The following TTLL5 variants were observed in gnomAD, a reference collection of about 807,000 sequenced individuals.
The protein encoded by TTLL5 is tubulin tyrosine ligase like 5, also known as tubulin polyglutamylase TTLL5.
A neutral mutation model predicts 168.4 loss-of-function variants in TTLL5; 132 were observed. The ratio of observed to expected loss-of-function variants is 0.78; its 90% confidence interval spans 0.68 to 0.91. The LOEUF (loss-of-function observed/expected upper bound fraction) is 0.91, where lower values mean the gene tolerates loss of function less well. Among genes scored for constraint, TTLL5 ranks in the 40% least tolerant of loss-of-function variants. The pLI is 0.00. For missense variants in TTLL5, 1,545 were observed against 1,581.5 expected (o/e 0.98, Z 0.39); for synonymous variants, 546 against 558.6 (o/e 0.98, Z 0.32).
chr14:75,754,966 T>TA (rs1002109038), intron 18 of TTLL5, among the ~76,000 whole-genome samples: 75 of 151,836 alleles, frequency 4.9e-4, no homozygotes, highest in Admixed American at 4.1e-3. Flanking sequence ...AAACTTTGAT[T>TA]AAAAAAAACA....
In TTLL5 at chr14:75,791,105, C is replaced by CAAAAAAAAAAAAAAAAA. The variant is rs372035829; in HGVS notation, c.2987-1808_2987-1792dup. Among the ~76,000 whole-genome samples the CAAAAAAAAAAAAAAAAA allele has an allele frequency of 1.2e-4, 9 of 77,268 alleles. 1 individual carries two copies. Among genetic ancestry groups the CAAAAAAAAAAAAAAAAA allele is most frequent in the African/African-American group, 6.1e-4 (8 of 13,150 alleles). The allele number at this position is 77,268 out of a possible 152,430, so 50.7% of individuals were successfully genotyped here. On this transcript the variant is annotated intron_variant, in intron 26 of 31. Transcript: ENST00000298832. The stretch of plus-strand genomic sequence containing the variant: ...TGGGTGACAGAGCAAGACTCTGTCT[C>CAAAAAAAAAAAAAAAAA]AAAAAAAAAAAAAAAAAAATACCAC...
intron 15 of TTLL5, among the ~76,000 whole-genome samples, chr14:75,742,839 TAAATA>T (rs1889355479): frequency 6.6e-6 from 1 of 152,244 alleles, no homozygotes; most frequent in Admixed American, 6.5e-5. Context: ...AATTATACAT[TAAATA>T]AGTGTTCACA....
chr14:75,783,920 A>G (rs1333565250), intron 26 of TTLL5, among the ~76,000 whole-genome samples: 1 of 152,250 alleles, frequency 6.6e-6, no homozygotes, highest in Non-Finnish European at 1.5e-5. Flanking sequence ...ACCTGAATAA[A>G]TAACCAAAGA....
At chr14:75,865,161 A>G (rs747341231) in intron 29 of TTLL5, among the ~76,000 whole-genome samples, 1 of 152,210 alleles carries the variant, frequency 6.6e-6, no homozygotes, top group Admixed American at 6.5e-5. Context: ...TCTGTCATGT[A>G]AAATTTTCTT....
chr14:75,740,636 T>C (rs1889201845), intron 15 of TTLL5, among the ~76,000 whole-genome samples: 1 of 152,192 alleles, frequency 6.6e-6, no homozygotes, highest in Non-Finnish European at 1.5e-5. Flanking sequence ...AATTTCAAAG[T>C]ATACCCTGAT....
At chr14:75,809,290 A>G (rs1893845580) in intron 27 of TTLL5, among the ~76,000 whole-genome samples, 1 of 152,146 alleles carries the variant, frequency 6.6e-6, no homozygotes, top group Non-Finnish European at 1.5e-5. Flanking sequence ...AGATCCCCTG[A>G]AAGTGTTTAG....
At position 75,706,955 on chromosome 14, in the gene TTLL5, C is replaced by T. The variant is rs1368447287; in HGVS notation, c.586-63C>T. 5 of 1,400,782 alleles carry T rather than the reference C, an allele frequency of 3.6e-6. No homozygotes were observed. In the East Asian group the frequency reaches 9.3e-5, roughly 26 times the overall value. 86.8% of individuals were successfully genotyped at this position (1,400,782 alleles called of 1,614,324 possible). ...TCTTTAAAGGTTAAGAACTTTGCTC[C>T]CTTATTGTAAATTAGGATTCCTGTG... On this transcript the variant is annotated intron_variant, in intron 7 of 31. Transcript: ENST00000298832.
At chr14:75,788,133 A>ATAAATAAG (rs903425993) in intron 26 of TTLL5, among the ~76,000 whole-genome samples, 2 of 152,298 alleles carry the variant, frequency 1.3e-5, no homozygotes, top group African/African-American at 2.4e-5. Flanking sequence ...AAATAAATAA[A>ATAAATAAG]TAAATAAGTA....
At chr14:75,902,644 G>A (rs574131432) in intron 31 of TTLL5, 73 of 457,814 alleles carry the variant, frequency 1.6e-4, no homozygotes, top group Non-Finnish European at 2.3e-4. Flanking sequence ...AAGTTTATGC[G>A]TGGATGCAGA....
intron 30 of TTLL5, among the ~76,000 whole-genome samples, chr14:75,883,247 A>C (rs1436495757): frequency 6.6e-6 from 1 of 152,256 alleles, no homozygotes; most frequent in Non-Finnish European, 1.5e-5. Context: ...ATCTAAGAGG[A>C]TAATATAACT....
At chr14:75,814,511 A>T (rs1894265204) in intron 27 of TTLL5, 1 of 152,158 alleles carries the variant, frequency 6.6e-6, no homozygotes, top group Admixed American at 6.5e-5. Flanking sequence ...ATTGGCTTGT[A>T]GGGTTTATTA....
At chr14:75,902,790 A>G (rs992779698) in intron 31 of TTLL5, among the ~76,000 whole-genome samples, 11 of 152,248 alleles carry the variant, frequency 7.2e-5, no homozygotes, top group Non-Finnish European at 4.4e-5. Context: ...GATAGTTTCT[A>G]TGAATAATAA....
intron 27 of TTLL5, among the ~76,000 whole-genome samples, chr14:75,817,647 C>T (rs1299473366): frequency 2.0e-5 from 3 of 151,880 alleles, no homozygotes; most frequent in African/African-American, 7.3e-5. Flanking sequence ...GCCCTTAGAA[C>T]ATTTTATAGC....
chr14:75,841,505 C>G (rs1222776983), intron 28 of TTLL5, among the ~76,000 whole-genome samples: 2 of 152,070 alleles, frequency 1.3e-5, no homozygotes, highest in Non-Finnish European at 2.9e-5. Flanking sequence ...CCTATTTATT[C>G]CTTTCTTTGT....
At chr14:75,908,670 C>A (rs2033245491) in intron 31 of TTLL5, among the ~76,000 whole-genome samples, 1 of 152,164 alleles carries the variant, frequency 6.6e-6, no homozygotes. Flanking sequence ...CTGCCCAGGG[C>A]AAGTGTCATA....
At chr14:75,665,510 T>G (rs542723098) in intron 2 of TTLL5, among the ~76,000 whole-genome samples, 1 of 152,338 alleles carries the variant, frequency 6.6e-6, no homozygotes, top group East Asian at 1.9e-4. Flanking sequence ...CATGATCACA[T>G]GTGATCTAGG....
intron 28 of TTLL5, among the ~76,000 whole-genome samples, chr14:75,824,252 C>A (rs1416503322): frequency 6.6e-6 from 1 of 152,058 alleles, no homozygotes; most frequent in East Asian, 1.9e-4. Flanking sequence ...TGGGTAGGGC[C>A]TAAAAGACTT....
intron 26 of TTLL5, among the ~76,000 whole-genome samples, chr14:75,791,429 G>A (rs1892719460): frequency 6.6e-6 from 1 of 152,116 alleles, no homozygotes; most frequent in South Asian, 2.1e-4. Context: ...TTGAATAACA[G>A]AGCAAGTCCC....
At chr14:75,929,622 T>G (rs556397428) in intron 31 of TTLL5, among the ~76,000 whole-genome samples, 1 of 152,136 alleles carries the variant, frequency 6.6e-6, no homozygotes, top group East Asian at 1.9e-4. Context: ...CTGGCTAATT[T>G]TTGTATTTTT....
Sources: gnomAD v4.1 joint callset for allele counts (sites outside exome capture counted in the v4.1 genomes callset) on GRCh38, gnomAD v4.1.1 for gene constraint, MANE v1.5 for transcripts, NCBI Gene and HGNC (gene_info 2026-07-23, HGNC 2026-07-21) for gene names.